The following GNG2 variants were observed in gnomAD, a reference collection of about 807,000 sequenced individuals.
The protein encoded by GNG2 is G protein subunit gamma 2.
A neutral mutation model predicts 5.5 loss-of-function variants in GNG2; 5 were observed. The ratio of observed to expected loss-of-function variants is 0.91; its 90% CI spans 0.48 to 1.92. GNG2 has a LOEUF of 1.92. Among genes scored for constraint, GNG2 ranks in the 30% most tolerant of loss-of-function variants. The pLI, the probability that GNG2 is intolerant of heterozygous loss-of-function variation, is 0.01. For missense variants in GNG2, 55 were observed against 88.4 expected (o/e 0.62, Z 1.52); for synonymous variants, 28 against 32.0 (o/e 0.88, Z 0.42).
intron 1 of GNG2, among the ~76,000 whole-genome samples, chr14:51,872,052 G>A (rs1883333123): frequency 6.6e-6 from 1 of 152,188 alleles, no homozygotes; most frequent in African/African-American, 2.4e-5. Context: ...GGATAGAAGT[G>A]TTCTCTGCAC....
chr14:51,916,184 G>A (rs984764711), intron 2 of GNG2: 1 of 237,308 alleles, frequency 4.2e-6, no homozygotes, highest in Non-Finnish European at 8.3e-6. Context: ...TTATTTCTGT[G>A]TAAAATTTCC....
At chr14:51,867,024 C>T (rs1882941861) in intron 1 of GNG2, among the ~76,000 whole-genome samples, 1 of 152,160 alleles carries the variant, frequency 6.6e-6, no homozygotes, top group African/African-American at 2.4e-5. Flanking sequence ...TCTTCTCTTT[C>T]TTGGTCCTTT....
intron 2 of GNG2, chr14:51,914,004 C>A (rs773314253): frequency 1.0e-5 from 5 of 493,020 alleles, no homozygotes; most frequent in Non-Finnish European, 1.8e-5. Context: ...AAAATTTTAT[C>A]TGTAGGTAAG....
chr14:51,830,392 T>G (rs573693996), intron 2 of GNG2, among the ~76,000 whole-genome samples: 1 of 152,338 alleles, frequency 6.6e-6, no homozygotes. Flanking sequence ...CAAGATTATA[T>G]TTCTAGCAAA....
chr14:51,828,291 G>C (rs767624730), intron 2 of GNG2, among the ~76,000 whole-genome samples: 37 of 152,208 alleles, frequency 2.4e-4, no homozygotes, highest in Non-Finnish European at 1.5e-4. Flanking sequence ...CTTTCACACA[G>C]TAGGGAAGTT....
At chr14:51,896,903 T>C (rs192656507) in intron 2 of GNG2, among the ~76,000 whole-genome samples, 64 of 152,300 alleles carry the variant, frequency 4.2e-4, no homozygotes, top group African/African-American at 1.1e-3. Context: ...AATAGAATAA[T>C]GTGTCATTAT....
chr14:51,876,108 T>C (rs1462809392), intron 1 of GNG2, among the ~76,000 whole-genome samples: 2 of 152,046 alleles, frequency 1.3e-5, no homozygotes, highest in East Asian at 3.9e-4. Context: ...TGGCTAACTT[T>C]TGACTTTTAT....
intron 2 of GNG2, among the ~76,000 whole-genome samples, chr14:51,891,406 G>C (rs148065024): frequency 1.3e-5 from 2 of 152,300 alleles, no homozygotes; most frequent in Non-Finnish European, 2.9e-5. Context: ...ATATGTGTAT[G>C]TATGTGTGTA....
chr14:51,853,465 G>C (rs1882007163), intron 2 of GNG2, among the ~76,000 whole-genome samples: 1 of 152,138 alleles, frequency 6.6e-6, no homozygotes, highest in African/African-American at 2.4e-5. Context: ...GAGGAGCCAA[G>C]GAAGGTCACA....
chr14:51,908,563 C>CAT (rs367960923), intron 2 of GNG2, among the ~76,000 whole-genome samples: 2 of 70,916 alleles, frequency 2.8e-5, no homozygotes, highest in Admixed American at 2.4e-4. Context: ...TCTATCTATC[C>CAT]ATATATATAG....
intron 2 of GNG2, among the ~76,000 whole-genome samples, chr14:51,853,270 G>A (rs906536400): frequency 6.6e-6 from 1 of 152,208 alleles, no homozygotes; most frequent in African/African-American, 2.4e-5. Flanking sequence ...TGAAGATGAA[G>A]AGATGCGAGA....
chr14:51,911,363 T>A (rs1886280881), intron 2 of GNG2, among the ~76,000 whole-genome samples: 1 of 152,170 alleles, frequency 6.6e-6, no homozygotes, highest in South Asian at 2.1e-4. Context: ...AACCAGTAAC[T>A]TGGAGTTCTT....
chr14:51,876,203 T>A (rs993687593), intron 1 of GNG2, among the ~76,000 whole-genome samples: 4 of 152,204 alleles, frequency 2.6e-5, no homozygotes, highest in African/African-American at 9.7e-5. Flanking sequence ...CTTCCCAAAG[T>A]GCTGGGATTA....
chr14:51,828,490 TCAAGGAGATAATCACAAAACAA>T (rs918373166), intron 2 of GNG2, among the ~76,000 whole-genome samples: 7 of 152,138 alleles, frequency 4.6e-5, no homozygotes, highest in African/African-American at 9.6e-5. Flanking sequence ...AAGGAATAAA[TCAAGGAGATAATCACAAAACAA>T]CAAGGAGATA....
intron 2 of GNG2, among the ~76,000 whole-genome samples, chr14:51,878,466 G>C (rs1321730425): frequency 6.6e-6 from 1 of 152,040 alleles, no homozygotes; most frequent in African/African-American, 2.4e-5. Flanking sequence ...TTGGATTATG[G>C]GTGCTTGCTG....
chr14:51,881,945 TC>T (rs904791799), intron 2 of GNG2, among the ~76,000 whole-genome samples: 1 of 152,200 alleles, frequency 6.6e-6, no homozygotes, highest in African/African-American at 2.4e-5. Flanking sequence ...GGACTTTCAA[TC>T]CTGGTTTCAT....
At chr14:51,866,111 A>C (rs1285056446) in intron 1 of GNG2, among the ~76,000 whole-genome samples, 1 of 152,068 alleles carries the variant, frequency 6.6e-6, no homozygotes, top group East Asian at 1.9e-4. Flanking sequence ...GCTTTGAAAA[A>C]CCAGTCTCTT....
intron 2 of GNG2, among the ~76,000 whole-genome samples, chr14:51,852,704 C>T (rs901575181): frequency 6.6e-6 from 1 of 152,204 alleles, no homozygotes; most frequent in Non-Finnish European, 1.5e-5. Flanking sequence ...GTTGAAATTT[C>T]CCTGTGTAAT....
At chr14:51,964,518 C>G (rs1889786464) in intron 3 of GNG2, among the ~76,000 whole-genome samples, 1 of 152,160 alleles carries the variant, frequency 6.6e-6, no homozygotes, top group Admixed American at 6.5e-5. Flanking sequence ...TACCATATGT[C>G]AATCATAAAT....
Sources: allele counts gnomAD v4.1 joint callset (sites outside exome capture counted in the v4.1 genomes callset), GRCh38; gene constraint gnomAD v4.1.1; transcripts MANE v1.5; gene names NCBI Gene and HGNC (gene_info 2026-07-23, HGNC 2026-07-21).